The following TGFBR2 variants were observed in gnomAD, a reference collection of about 807,000 sequenced individuals.
The protein encoded by TGFBR2 is transforming growth factor beta receptor 2.
Under a neutral mutation model 49.0 loss-of-function variants are expected in TGFBR2, and 18 were observed. That is an observed-to-expected ratio of 0.37 (90% confidence interval 0.25 to 0.54). The LOEUF is 0.54. Among genes scored for constraint, TGFBR2 ranks in the 20% least tolerant of loss-of-function variants. TGFBR2 has a pLI of 0.85. For missense variants in TGFBR2, 525 were observed against 722.6 expected (o/e 0.73, Z 3.13); for synonymous variants, 282 against 275.9 (o/e 1.02, Z -0.22).
At position 30,691,525 on chromosome 3, in the gene TGFBR2, C is replaced by G. The variant is rs1699709965; in HGVS notation, c.1630C>G (p.Leu544Val). 1.2e-6 allele frequency: 2 copies of G among 1,614,156 alleles called. No homozygotes were observed. Among genetic ancestry groups the G allele is most frequent in the Non-Finnish European group, 1.7e-6 (2 of 1,180,008 alleles). ...AGAACGCTTCAGTGAGCTGGAGCATCTGGACAGGCTCTCGGGGAGGAGCTG... is the reference window on the plus strand; with the variant it reads ...AGAACGCTTCAGTGAGCTGGAGCATGTGGACAGGCTCTCGGGGAGGAGCTG... ...VAERFSELEH[L>V]DRLSGRSCSE... The change falls in exon 7 of 7, where the codon CTG (leucine) becomes GTG (valine). Residue 544 changes from leucine to valine, a missense_variant. Transcript: ENST00000295754.
intron 1 of TGFBR2, among the ~76,000 whole-genome samples, chr3:30,620,918 C>G (rs1386430817): frequency 6.6e-6 from 1 of 152,156 alleles, no homozygotes; most frequent in East Asian, 1.9e-4. Context: ...TTGGAAAGCC[C>G]TGTTAAAATG....
In TGFBR2 at chr3:30,616,226, A is replaced by T. The variant is rs550381660; in HGVS notation, c.94+9249A>T. The stretch of plus-strand genomic sequence containing the variant: ...GTTGGTTTAGAAAATAAATGTTAAA[A>T]AATGCCTCTTCCTCCTTCCCCCCAT... On this transcript the variant is annotated intron_variant, in intron 1 of 6. Coordinates refer to ENST00000295754, the MANE Select transcript of TGFBR2 (RefSeq NM_003242.6). Among the ~76,000 whole-genome samples, 15 of 152,338 alleles carry T rather than the reference A, an allele frequency of 9.8e-5. No individual in the cohort carries two copies. In the South Asian group the frequency reaches 3.1e-3, roughly 32 times the overall value.
chr3:30,658,665 T>TG (rs1171102899), intron 3 of TGFBR2, among the ~76,000 whole-genome samples: 3 of 152,196 alleles, frequency 2.0e-5, no homozygotes, highest in African/African-American at 7.2e-5. Context: ...GAAGACTTCT[T>TG]GTAGCCACAA....
chr3:30,635,625 C>T (rs1459078995), intron 1 of TGFBR2, among the ~76,000 whole-genome samples: 2 of 152,122 alleles, frequency 1.3e-5, no homozygotes, highest in Non-Finnish European at 2.9e-5. Flanking sequence ...TTGTAAATTG[C>T]ATTTAAAAAA....
Position 30,692,239 on chromosome 3 carries a change from A to G in TGFBR2, c.*640A>G. On this transcript the variant is annotated 3_prime_UTR_variant, in exon 7 of 7. Transcript: ENST00000295754. ...TGGCCATGGAACTAAGTACAGTGGC[A>G]CTGTTTGAGGACCAGTGTTCCCGGG... 1 of 229,270 alleles carries G rather than the reference A, an allele frequency of 4.4e-6. No homozygotes were observed. 14.2% of individuals were successfully genotyped at this position (229,270 alleles called of 1,614,324 possible). A position where few individuals can be genotyped will look rare whatever the true frequency, so the allele number is the denominator to read the frequency against.
intron 1 of TGFBR2, among the ~76,000 whole-genome samples, chr3:30,643,864 T>A (rs1698684314): frequency 6.6e-6 from 1 of 152,050 alleles, no homozygotes. Context: ...TGATCAGAGA[T>A]CAGAAAAGTG....
chr3:30,635,630 A>T (rs967095211), intron 1 of TGFBR2, among the ~76,000 whole-genome samples: 16 of 152,222 alleles, frequency 1.1e-4, no homozygotes, highest in African/African-American at 3.6e-4. Context: ...AATTGCATTT[A>T]AAAAAATTTG....
chr3:30,685,275 C>T (rs1044823030), intron 5 of TGFBR2, among the ~76,000 whole-genome samples: 2 of 152,140 alleles, frequency 1.3e-5, no homozygotes, highest in African/African-American at 4.8e-5. Flanking sequence ...GAATGTTCTT[C>T]CTGGTTTAGT....
intron 1 of TGFBR2, among the ~76,000 whole-genome samples, chr3:30,621,682 CT>C (rs1461106831): frequency 6.6e-6 from 1 of 152,190 alleles, no homozygotes; most frequent in Non-Finnish European, 1.5e-5. Context: ...ACTCTCAAAA[CT>C]ACTGAAAAGC....
intron 2 of TGFBR2, among the ~76,000 whole-genome samples, chr3:30,645,714 G>A (rs1698722052): frequency 1.3e-5 from 2 of 151,864 alleles, no homozygotes; most frequent in African/African-American, 2.4e-5. Context: ...TCGAACTCCC[G>A]ACCTCAGGTG....
chr3:30,691,627 CA>C lies in TGFBR2; in HGVS notation c.*31del. On this transcript the variant is annotated 3_prime_UTR_variant, in exon 7 of 7. Coordinates refer to ENST00000295754, the MANE Select transcript of TGFBR2 (RefSeq NM_003242.6). ...CTTCTGGGGCAGGCTGGGCCATGTC[CA>C]AAGAGGCTGCCCCTCTCACCAAAGA... 6.2e-7 allele frequency: 1 copy of C among 1,613,478 alleles called. No homozygotes were observed. Among genetic ancestry groups the C allele is most frequent in the South Asian group, 1.1e-5 (1 of 91,022 alleles).
chr3:30,616,379 G>GA (rs1437133450), intron 1 of TGFBR2, among the ~76,000 whole-genome samples: 7 of 152,168 alleles, frequency 4.6e-5, no homozygotes, highest in Non-Finnish European at 7.3e-5. Flanking sequence ...AAGTTGCAAA[G>GA]ATGTAATTAT....
intron 1 of TGFBR2, among the ~76,000 whole-genome samples, chr3:30,628,528 G>GTT (rs569832149): frequency 0.071 from 5,688 of 80,076 alleles, 311 homozygotes; most frequent in East Asian, 0.17. Flanking sequence ...AAGCCTGTGG[G>GTT]TTTTTTTTTT....
chr3:30,636,206 A>G (rs9820508), intron 1 of TGFBR2, among the ~76,000 whole-genome samples: 101,597 of 149,576 alleles, frequency 0.68, 35,327 homozygotes, highest in African/African-American at 0.84. Flanking sequence ...TGTGTATAGT[A>G]CTGGGATTAC....
rs886058302 is a variant in TGFBR2, at chr3:30,606,767, G to A, written c.-117G>A. ...CGCCACATCTGGCCCGCACATCTGC[G>A]CTGCCGGCCCGGCGCGGGGTCCGGA... On this transcript the variant is annotated 5_prime_UTR_variant, in exon 1 of 7. Transcript: ENST00000295754. 5 of 738,608 alleles carry A rather than the reference G, an allele frequency of 6.8e-6. No individual in the cohort carries two copies. The Admixed American group carries it at 2.2e-4, about 32-fold the overall frequency. 45.8% of individuals were successfully genotyped at this position (738,608 alleles called of 1,614,324 possible). A position where few individuals can be genotyped will look rare whatever the true frequency, so the allele number is the denominator to read the frequency against.
chr3:30,630,805 T>A (rs2125391295), intron 1 of TGFBR2, among the ~76,000 whole-genome samples: 1 of 152,258 alleles, frequency 6.6e-6, no homozygotes, highest in Admixed American at 6.5e-5. Context: ...GATGACACAG[T>A]ACTGGTCCTC....
intron 2 of TGFBR2, among the ~76,000 whole-genome samples, chr3:30,647,381 G>A (rs145515898): frequency 2.0e-5 from 3 of 152,150 alleles, no homozygotes; most frequent in African/African-American, 7.2e-5. Context: ...GCCTTTAGTC[G>A]CTTACAGATG....
chr3:30,654,304 A>G (rs1056931132), intron 3 of TGFBR2, among the ~76,000 whole-genome samples: 2 of 152,216 alleles, frequency 1.3e-5, no homozygotes, highest in Non-Finnish European at 2.9e-5. Context: ...CTTTCCTCAG[A>G]GGACTGAGAT....
chr3:30,640,987 G>T (rs1033605799), intron 1 of TGFBR2, among the ~76,000 whole-genome samples: 11 of 152,114 alleles, frequency 7.2e-5, no homozygotes, highest in African/African-American at 2.4e-5. Context: ...GTCGTGGCTG[G>T]TAACATCTTT....
Sources: allele counts gnomAD v4.1 joint callset (sites outside exome capture counted in the v4.1 genomes callset), GRCh38; gene constraint gnomAD v4.1.1; transcripts MANE v1.5; gene names NCBI Gene and HGNC (gene_info 2026-07-23, HGNC 2026-07-21).